Variants in CEACAM20 observed in about 807,000 individuals in gnomAD.
The protein encoded by CEACAM20 is CEA cell adhesion molecule 20, also known as cell adhesion molecule CEACAM20.
In CEACAM20, 50 loss-of-function variants were observed where a neutral mutation model predicts 61.2. The ratio of observed to expected loss-of-function variants is 0.82; its 90% confidence interval spans 0.65 to 1.03. The LOEUF is 1.03. CEACAM20 is among the 50% of genes least tolerant of loss of function. CEACAM20 has a pLI of 0.00. For missense variants in CEACAM20, 683 were observed against 736.4 expected, an observed-to-expected ratio of 0.93 and a Z score of 0.84; for synonymous variants, 282 against 287.7, an observed-to-expected ratio of 0.98 and a Z score of 0.20.
In CEACAM20 at chr19:44,513,257, T is replaced by C. The variant is rs914710586; in HGVS notation, c.1342A>G (p.Ile448Val). The change falls in exon 7 of 12, where the codon ATC becomes GTC. Residue 448 changes from isoleucine to valine, a missense_variant. Physicochemically the swap from Ile to Val is conservative, Grantham distance 29 (BLOSUM62 3). Transcript: ENST00000614924. ...PQSSSLSSGA[I>V]AGIVIGILAV... ...AGGATCCCGATGACAATACCAGCGA[T>C]GGCCCCTGAGGACAGGGAGGAGGAC... 4.3e-6 allele frequency: 7 copies of C among 1,613,630 alleles called. No homozygotes were observed. The highest frequency in any genetic ancestry group is 5.9e-6 in the Non-Finnish European group (7 of 1,179,826).
intron 1 of CEACAM20, among the ~76,000 whole-genome samples, chr19:44,529,139 A>C (rs1347868282): frequency 6.6e-6 from 1 of 151,358 alleles, no homozygotes; most frequent in Non-Finnish European, 1.5e-5. Context: ...TAATTTTTGT[A>C]TTTTTAGTAG....
At chr19:44,522,495 T>C in intron 4 of CEACAM20, 139 bp downstream of exon 4, 1 of 911,674 alleles carries the variant, frequency 1.1e-6, no homozygotes, top group Non-Finnish European at 1.6e-6. Context: ...ACATTTTTCA[T>C]GCAACTCAAT....
chr19:44,521,099 T>G (rs887999395), intron 4 of CEACAM20, among the ~76,000 whole-genome samples: 8 of 141,146 alleles, frequency 5.7e-5, no homozygotes, highest in Non-Finnish European at 1.1e-4. Context: ...GTATATGCTA[T>G]GTGTATATAT....
At chr19:44,524,391 C>G (rs1971465489) in intron 2 of CEACAM20, 130 bp from the exon 3 acceptor site, 6 of 1,006,890 alleles carry the variant, frequency 6.0e-6, no homozygotes, top group Non-Finnish European at 8.7e-6. Flanking sequence ...AGTTGGATGC[C>G]TGGGCTTGAA....
intron 1 of CEACAM20, among the ~76,000 whole-genome samples, chr19:44,526,116 T>G (rs1310545024): frequency 2.6e-5 from 4 of 152,222 alleles, no homozygotes; most frequent in Non-Finnish European, 5.9e-5. Context: ...GTACTTCTAC[T>G]GTGATCTTGG....
At chr19:44,507,355 A>G (rs149186036) in intron 11 of CEACAM20, among the ~76,000 whole-genome samples, 28 of 152,306 alleles carry the variant, frequency 1.8e-4, no homozygotes, top group African/African-American at 6.5e-4. Context: ...AGCTGACAAA[A>G]CTAAACATGA....
At position 44,527,935 on chromosome 19, in the gene CEACAM20, C is replaced by T. The variant is rs950873406; in HGVS notation, c.52+1523G>A. On this transcript the variant is annotated intron_variant, in intron 1 of 11. Coordinates refer to ENST00000614924, the MANE Select transcript of CEACAM20 (RefSeq NM_001102597.3). ...ATTTCACATCCATCCCCATCCTGAT[C>T]CGTGGACCTGGCCGCTCAGGGCTGG... Among the ~76,000 whole-genome samples the T allele has an allele frequency of 2.0e-5, 3 of 152,324 alleles. No homozygotes were observed. The East Asian group carries it at 5.8e-4, about 29-fold the overall frequency.
chr19:44,521,803 G>A (rs1443492157), intron 4 of CEACAM20, among the ~76,000 whole-genome samples: 1 of 152,108 alleles, frequency 6.6e-6, no homozygotes, highest in Non-Finnish European at 1.5e-5. Context: ...TATGAGTTGT[G>A]TTTACTGTGT....
chr19:44,528,524 C>T (rs1179428640), intron 1 of CEACAM20, among the ~76,000 whole-genome samples: 1 of 152,036 alleles, frequency 6.6e-6, no homozygotes, highest in Admixed American at 6.6e-5. Context: ...GTGCCTGGGC[C>T]CCACTGGTAT....
chr19:44,527,033 C>T (rs1971550756), intron 1 of CEACAM20, among the ~76,000 whole-genome samples: 1 of 152,164 alleles, frequency 6.6e-6, no homozygotes, highest in South Asian at 2.1e-4. Flanking sequence ...AAACACTGCC[C>T]CATTCCCTGC....
chr19:44,506,496 T>C (rs948733399), intron 11 of CEACAM20, among the ~76,000 whole-genome samples: 2 of 152,226 alleles, frequency 1.3e-5, no homozygotes, highest in Non-Finnish European at 2.9e-5. Context: ...GGGCAAGACC[T>C]GTGACTTGCA....
At chr19:44,506,823 A>C (rs1970832738) in intron 11 of CEACAM20, among the ~76,000 whole-genome samples, 1 of 152,238 alleles carries the variant, frequency 6.6e-6, no homozygotes, top group African/African-American at 2.4e-5. Context: ...ACAGCCTTGC[A>C]GAAGAGCTAA....
intron 6 of CEACAM20, 125 bp from the exon 7 acceptor site, chr19:44,513,414 G>A (rs1315659624): frequency 1.1e-5 from 7 of 616,956 alleles, no homozygotes; most frequent in Non-Finnish European, 2.0e-5. Context: ...CAGTCGTTGG[G>A]AGGTATCAGA....
chr19:44,521,533 G>C (rs909371675), intron 4 of CEACAM20, among the ~76,000 whole-genome samples: 1 of 152,076 alleles, frequency 6.6e-6, no homozygotes, highest in Non-Finnish European at 1.5e-5. Context: ...TTTTGTGTGT[G>C]TGTTGTGAGT....
At chr19:44,506,515 A>AT (rs1187123576) in intron 11 of CEACAM20, among the ~76,000 whole-genome samples, 2 of 152,180 alleles carry the variant, frequency 1.3e-5, no homozygotes, top group Non-Finnish European at 2.9e-5. Context: ...CATCTAACCA[A>AT]TAGAATATGG....
chr19:44,514,453 CT>C (rs36006026), intron 6 of CEACAM20, among the ~76,000 whole-genome samples: 3,671 of 145,290 alleles, frequency 0.025, 149 homozygotes, highest in African/African-American at 0.082. Flanking sequence ...TGCATCTCCA[CT>C]TTTTTTTTTT....
intron 5 of CEACAM20, among the ~76,000 whole-genome samples, chr19:44,518,230 GAGAGAA>G (rs1397067688): frequency 7.9e-5 from 9 of 113,608 alleles, no homozygotes; most frequent in East Asian, 3.8e-4. Context: ...GAGAGAGAGA[GAGAGAA>G]AGGAAGGAAG....
intron 2 of CEACAM20, 132 bp from the exon 3 acceptor site, chr19:44,524,393 G>C: frequency 1.1e-6 from 1 of 947,862 alleles, no homozygotes; most frequent in Non-Finnish European, 1.6e-6. Flanking sequence ...TTGGATGCCT[G>C]GGCTTGAATG....
chr19:44,521,055 ATG>A lies in CEACAM20; in HGVS notation c.752-305_752-304del, dbSNP rs537853788. Among the ~76,000 whole-genome samples the A allele has an allele frequency of 2.1e-3, 314 of 151,948 alleles. 3 individuals carry two copies. The highest frequency in any genetic ancestry group is 7.4e-3 in the African/African-American group (306 of 41,414). On this transcript the variant is annotated intron_variant, in intron 4 of 11. Coordinates refer to ENST00000614924, the MANE Select transcript of CEACAM20 (RefSeq NM_001102597.3). ...TGGGTGTATGTGTTGAATATGAAGT[ATG>A]TGTGTGGTACACATATGCACTTTGT...
Sources: gnomAD v4.1 joint callset for allele counts (sites outside exome capture counted in the v4.1 genomes callset) on GRCh38, gnomAD v4.1.1 for gene constraint, MANE v1.5 for transcripts, NCBI Gene and HGNC (gene_info 2026-07-23, HGNC 2026-07-21) for gene names.